Variants in SEMA6D observed in about 807,000 individuals in gnomAD.
SEMA6D encodes the protein semaphorin 6D, also known as semaphorin-6D.
In SEMA6D, 35 loss-of-function variants were observed where a neutral mutation model predicts 106.6. The ratio of observed to expected loss-of-function variants is 0.33; its 90% CI spans 0.25 to 0.44. The LOEUF is 0.44. Among genes scored for constraint, SEMA6D ranks in the 20% least tolerant of loss-of-function variants. The pLI, the probability that SEMA6D is intolerant of heterozygous loss-of-function variation, is 1.00. For synonymous variants in SEMA6D, 499 were observed against 487.7 expected, an observed-to-expected ratio of 1.02 and a Z score of -0.31; for missense variants, 1,185 against 1,345.9, an observed-to-expected ratio of 0.88 and a Z score of 1.87.
chr15:47,591,947 G>A (rs868652505), intron 3 of SEMA6D, among the ~76,000 whole-genome samples: 3 of 152,164 alleles, frequency 2.0e-5, no homozygotes, highest in East Asian at 1.9e-4. Context: ...AGCTAACTAC[G>A]GTCACATACA....
rs142672147 is a variant in SEMA6D at position 47,227,569 on chromosome 15, T to TCTCTCA, written c.-239+43152_-239+43153insTCTCAC. 2.3e-3 allele frequency among the ~76,000 whole-genome samples: 299 copies of TCTCTCA among 127,960 alleles called. 1 individual carries two copies. The highest frequency in any genetic ancestry group is 9.2e-3 in the East Asian group (42 of 4,574). 83.9% of individuals were successfully genotyped at this position (127,960 alleles called of 152,430 possible). A position where few individuals can be genotyped will look rare whatever the true frequency, so the allele number is the denominator to read the frequency against. On this transcript the variant is annotated intron_variant, in intron 1 of 19. Transcript: ENST00000558014. ...CTCTCTCTCTGTCTCTCTCTCTCTC[T>TCTCTCA]CACACACACACACACACACACACAC...
At chr15:47,230,445 A>C (rs745448350) in intron 1 of SEMA6D, among the ~76,000 whole-genome samples, 1 of 152,082 alleles carries the variant, frequency 6.6e-6, no homozygotes, top group Non-Finnish European at 1.5e-5. Flanking sequence ...ACATCACTAT[A>C]GTGTCAGTTG....
Position 47,585,458 on chromosome 15 carries a change from A to G in SEMA6D, c.-86-15407A>G, listed in dbSNP as rs1404213901. ...TCCCAAATTCTCTCTGACAGCCCCA[A>G]TATGGGAGCCTATCCTCTTCTTGAA... On this transcript the variant is annotated intron_variant, in intron 3 of 19. Coordinates refer to the SEMA6D transcript ENST00000558014. Among the ~76,000 whole-genome samples the G allele has an allele frequency of 2.6e-5, 4 of 152,284 alleles. No individual in the cohort carries two copies. The South Asian group carries it at 6.2e-4, about 24-fold the overall frequency.
chr15:47,425,668 CTTTCT>C (rs925488355), intron 2 of SEMA6D, among the ~76,000 whole-genome samples: 1 of 148,988 alleles, frequency 6.7e-6, no homozygotes, highest in African/African-American at 2.5e-5. Context: ...ATTTAAGATA[CTTTCT>C]TTTTTTTTTT....
At chr15:47,656,932 G>A (rs1566965005) in intron 4 of SEMA6D, among the ~76,000 whole-genome samples, 1 of 152,184 alleles carries the variant, frequency 6.6e-6, no homozygotes, top group Non-Finnish European at 1.5e-5. Flanking sequence ...AAAAGTGACA[G>A]AAAGAGAACA....
intron 2 of SEMA6D, among the ~76,000 whole-genome samples, chr15:47,459,925 A>G (rs923959294): frequency 2.0e-5 from 3 of 152,110 alleles, no homozygotes; most frequent in South Asian, 2.1e-4. Context: ...TTTATTAAAT[A>G]AAATCCATTC....
At chr15:47,579,166 G>T (rs1005978326) in intron 3 of SEMA6D, among the ~76,000 whole-genome samples, 3 of 138,844 alleles carry the variant, frequency 2.2e-5, no homozygotes, top group Admixed American at 7.6e-5. Flanking sequence ...TTTTGAGACA[G>T]AATCTCACCC....
At chr15:47,384,286 T>C (rs891519025) in intron 1 of SEMA6D, among the ~76,000 whole-genome samples, 2 of 152,242 alleles carry the variant, frequency 1.3e-5, no homozygotes, top group African/African-American at 4.8e-5. Context: ...TCAAAATATT[T>C]GCTGCATTTC....
chr15:47,403,994 A>G lies in SEMA6D; in HGVS notation c.-238-8399A>G, dbSNP rs150569635. On this transcript the variant is annotated intron_variant, in intron 1 of 19. Coordinates refer to the SEMA6D transcript ENST00000558014. Reference sequence around the variant, plus strand: ...GTCCCAGCTAGAATTATGCCTGTGAAAATAAAAAGCAAGACTTTAAAAAGT... The same window carrying G: ...GTCCCAGCTAGAATTATGCCTGTGAGAATAAAAAGCAAGACTTTAAAAAGT... Among the ~76,000 whole-genome samples, 637 of 152,324 alleles carry G rather than the reference A, an allele frequency of 4.2e-3. 3 individuals are homozygous for G. Among genetic ancestry groups the G allele is most frequent in the Non-Finnish European group, 5.5e-3 (371 of 68,028 alleles).
intron 4 of SEMA6D, among the ~76,000 whole-genome samples, chr15:47,677,339 T>G (rs2078266979): frequency 6.6e-6 from 1 of 152,130 alleles, no homozygotes; most frequent in Non-Finnish European, 1.5e-5. Flanking sequence ...GGCTAGAGTT[T>G]CCCATAGCAC....
In SEMA6D at chr15:47,395,602, C is replaced by T. The variant is rs189432902; in HGVS notation, c.-238-16791C>T. 529 of 152,310 alleles carry T rather than the reference C, an allele frequency of 3.5e-3. 1 individual carries two copies. The highest frequency in any genetic ancestry group is 5.1e-3 in the Non-Finnish European group (349 of 68,016). The allele number at this position is 152,310 out of a possible 1,614,324, so 9.4% of individuals were successfully genotyped here. A position where few individuals can be genotyped will look rare whatever the true frequency, so the allele number is the denominator to read the frequency against. On this transcript the variant is annotated intron_variant, in intron 1 of 19. Coordinates refer to the SEMA6D transcript ENST00000558014. ...TACACATAGTCAAGAGAGGACCTGT[C>T]CAGCAGGCAGGAGCTATCATGTGGA...
intron 1 of SEMA6D, among the ~76,000 whole-genome samples, chr15:47,202,163 G>A (rs979838269): frequency 6.6e-6 from 1 of 152,006 alleles, no homozygotes; most frequent in African/African-American, 2.4e-5. Context: ...CAGGTCAGGA[G>A]AGGGCCTCCC....
intron 2 of SEMA6D, among the ~76,000 whole-genome samples, chr15:47,456,859 CAG>C (rs1335467431): frequency 6.6e-6 from 1 of 152,012 alleles, no homozygotes; most frequent in East Asian, 1.9e-4. Flanking sequence ...CTTTGTAAGA[CAG>C]AGTACTGAAA....
intron 4 of SEMA6D, among the ~76,000 whole-genome samples, chr15:47,682,728 A>G (rs1182859848): frequency 6.6e-6 from 1 of 152,230 alleles, no homozygotes; most frequent in Non-Finnish European, 1.5e-5. Context: ...TTGCTCTAAG[A>G]ATAGCACAAC....
chr15:47,671,977 A>G (rs1341343926), intron 4 of SEMA6D, among the ~76,000 whole-genome samples: 1 of 152,214 alleles, frequency 6.6e-6, no homozygotes, highest in African/African-American at 2.4e-5. Flanking sequence ...TAATATTACA[A>G]ACATTTTATA....
intron 4 of SEMA6D, among the ~76,000 whole-genome samples, chr15:47,640,158 A>C (rs1193907333): frequency 6.6e-6 from 1 of 152,176 alleles, no homozygotes; most frequent in Admixed American, 6.5e-5. Flanking sequence ...AATAAAGTCT[A>C]TATTTTTAAA....
chr15:47,216,599 G>A (rs986861081), intron 1 of SEMA6D, among the ~76,000 whole-genome samples: 1 of 151,972 alleles, frequency 6.6e-6, no homozygotes, highest in African/African-American at 2.4e-5. Flanking sequence ...AAAATAATAT[G>A]CAATACACAA....
At position 47,313,718 on chromosome 15, in the gene SEMA6D, C is replaced by T. The variant is rs557520411; in HGVS notation, c.-238-98675C>T. 8.5e-5 allele frequency among the ~76,000 whole-genome samples: 13 copies of T among 152,234 alleles called. 1 individual carries two copies. Among genetic ancestry groups the T allele is most frequent in the Non-Finnish European group, 1.8e-4 (12 of 68,020 alleles). On this transcript the variant is annotated intron_variant, in intron 1 of 19. Coordinates refer to the SEMA6D transcript ENST00000558014. ...TAGCTGATACTAAAGGCGAACACCA[C>T]CATACTCAGCTAAAAACTAGCTGAG...
rs139419450 is a variant in SEMA6D at position 47,733,619 on chromosome 15, G to A, written c.-55+15927G>A. Among the ~76,000 whole-genome samples the A allele has an allele frequency of 7.9e-5, 12 of 152,198 alleles. No homozygotes were observed. The East Asian group carries it at 1.7e-3, about 22-fold the overall frequency. The stretch of plus-strand genomic sequence containing the variant: ...GCATCCTTGTGAGTCCAGAGAGTCC[G>A]GGGTTCAAATTCTGAGTCTGCCACT... On this transcript the variant is annotated intron_variant, in intron 1 of 18. Coordinates refer to ENST00000536845, the MANE Select transcript of SEMA6D (RefSeq NM_001358351.3).
Sources: allele counts gnomAD v4.1 joint callset (sites outside exome capture counted in the v4.1 genomes callset), GRCh38; gene constraint gnomAD v4.1.1; transcripts MANE v1.5; gene names NCBI Gene and HGNC (gene_info 2026-07-23, HGNC 2026-07-21).